Variants in GALNT13 observed in about 807,000 individuals in gnomAD.
GALNT13 encodes the protein polypeptide N-acetylgalactosaminyltransferase 13.
In GALNT13, 28 loss-of-function variants were observed where a neutral mutation model predicts 64.2. That is an observed-to-expected ratio of 0.44 (90% CI 0.32 to 0.60). The LOEUF (loss-of-function observed/expected upper bound fraction) is 0.60, where lower values mean the gene tolerates loss of function less well. GALNT13 is among the 20% of genes least tolerant of loss of function. The pLI is 0.05. For synonymous variants in GALNT13, 214 were observed against 224.6 expected (o/e 0.95, Z 0.42); for missense variants, 577 against 669.8 (o/e 0.86, Z 1.53).
intron 11 of GALNT13, among the ~76,000 whole-genome samples, chr2:154,412,549 TA>T (rs1187071433): frequency 1.3e-5 from 2 of 151,718 alleles, no homozygotes; most frequent in African/African-American, 4.8e-5. Context: ...TAAAAAAAGG[TA>T]TTTTTTTTTT....
At chr2:153,789,622 G>T in the GALNT13 span, among the ~76,000 whole-genome samples, 1 of 151,854 alleles carries the variant, frequency 6.6e-6, no homozygotes, top group Non-Finnish European at 1.5e-5. Context: ...AGGCACAAAA[G>T]TGTATTAAAA....
chr2:153,938,637 T>C (rs559349378), intron 2 of GALNT13, among the ~76,000 whole-genome samples: 1 of 152,248 alleles, frequency 6.6e-6, no homozygotes, highest in African/African-American at 2.4e-5. Flanking sequence ...TCTCTCACAT[T>C]TCTGGAGGCT....
intron 3 of GALNT13, among the ~76,000 whole-genome samples, chr2:154,019,491 G>C (rs1240591446): frequency 6.6e-6 from 1 of 151,538 alleles, no homozygotes; most frequent in South Asian, 2.1e-4. Flanking sequence ...AAAATTAGCT[G>C]GGTGTGGTGA....
chr2:154,003,076 G>A (rs1696021640), intron 3 of GALNT13, among the ~76,000 whole-genome samples: 1 of 152,072 alleles, frequency 6.6e-6, no homozygotes, highest in Admixed American at 6.6e-5. Context: ...ACATATACTA[G>A]GCTCCCTTTA....
At chr2:153,864,938 C>T in the GALNT13 span, among the ~76,000 whole-genome samples, 1 of 146,534 alleles carries the variant, frequency 6.8e-6, no homozygotes, top group African/African-American at 2.5e-5. Context: ...ACCAAAACAG[C>T]ATGGTACTGG....
the GALNT13 span, among the ~76,000 whole-genome samples, chr2:153,664,335 T>C: frequency 6.6e-6 from 1 of 152,188 alleles, no homozygotes; most frequent in South Asian, 2.1e-4. Flanking sequence ...TATTCACTTT[T>C]TGCAAAAAGA....
At chr2:153,255,496 A>T in the GALNT13 span, among the ~76,000 whole-genome samples, 1 of 150,692 alleles carries the variant, frequency 6.6e-6, no homozygotes, top group Non-Finnish European at 1.5e-5. Flanking sequence ...TTATGTGTGA[A>T]TTTGATCCTG....
the GALNT13 span, among the ~76,000 whole-genome samples, chr2:153,656,342 G>GCA: frequency 2.6e-5 from 4 of 151,480 alleles, no homozygotes; most frequent in Admixed American, 1.3e-4. Context: ...GTGTGTGTGC[G>GCA]CGCGCACATA....
At chr2:154,344,559 T>C (rs1695961519) in intron 9 of GALNT13, among the ~76,000 whole-genome samples, 1 of 152,048 alleles carries the variant, frequency 6.6e-6, no homozygotes, top group Admixed American at 6.6e-5. Context: ...AGTGTTGTCT[T>C]CGTTTTTCCT....
intron 11 of GALNT13, among the ~76,000 whole-genome samples, chr2:154,434,013 AT>A: frequency 6.6e-6 from 1 of 152,208 alleles, no homozygotes; most frequent in Non-Finnish European, 1.5e-5. Context: ...ATTAGGACAC[AT>A]GCAAACAGAG....
At chr2:153,524,267 C>A in the GALNT13 span, among the ~76,000 whole-genome samples, 1 of 149,476 alleles carries the variant, frequency 6.7e-6, no homozygotes, top group African/African-American at 2.5e-5. Flanking sequence ...TAATAGTATT[C>A]TTGTAATGTC....
At chr2:153,391,334 G>C in the GALNT13 span, among the ~76,000 whole-genome samples, 1 of 151,980 alleles carries the variant, frequency 6.6e-6, no homozygotes, top group African/African-American at 2.4e-5. Context: ...GCAAGAGGAT[G>C]GTGGCTCATT....
chr2:154,228,619 T>A (rs924009141), intron 4 of GALNT13, among the ~76,000 whole-genome samples: 1 of 152,190 alleles, frequency 6.6e-6, no homozygotes, highest in Non-Finnish European at 1.5e-5. Context: ...AGGCTTTAAT[T>A]GGGTGTTGCC....
intron 9 of GALNT13, among the ~76,000 whole-genome samples, chr2:154,361,391 C>T (rs1303465411): frequency 6.6e-6 from 1 of 152,054 alleles, no homozygotes; most frequent in African/African-American, 2.4e-5. Context: ...TAAAATGTAA[C>T]TAGACGGTCT....
chr2:153,390,786 G>A, the GALNT13 span, among the ~76,000 whole-genome samples: 1 of 152,050 alleles, frequency 6.6e-6, no homozygotes, highest in Admixed American at 6.6e-5. Flanking sequence ...ATTCCCGGCA[G>A]TTGTGATAAC....
At chr2:154,446,640 C>T (rs1393368944) in intron 12 of GALNT13, 39 of 1,548,542 alleles carry the variant, frequency 2.5e-5, no homozygotes, top group Non-Finnish European at 3.4e-5. Context: ...CTCCCAGCAT[C>T]CTACTGTGGA....
At chr2:153,266,665 G>A in the GALNT13 span, among the ~76,000 whole-genome samples, 18 of 152,054 alleles carry the variant, frequency 1.2e-4, no homozygotes, top group Non-Finnish European at 1.9e-4. Context: ...AGAACATCAT[G>A]GGGAAAACTG....
chr2:153,176,770 T>TA, the GALNT13 span, among the ~76,000 whole-genome samples: 1,560 of 139,678 alleles, frequency 0.011, 14 homozygotes, highest in Admixed American at 0.015. Flanking sequence ...TGCCTGAGTT[T>TA]AAAAAAAAAA....
intron 9 of GALNT13, among the ~76,000 whole-genome samples, chr2:154,308,178 T>C (rs949003036): frequency 3.9e-5 from 6 of 152,096 alleles, no homozygotes; most frequent in Admixed American, 3.9e-4. Flanking sequence ...TTATTTTTTC[T>C]TTGGCAATAT....
Sources: allele counts gnomAD v4.1 joint callset (sites outside exome capture counted in the v4.1 genomes callset), GRCh38; gene constraint gnomAD v4.1.1; transcripts MANE v1.5; gene names NCBI Gene and HGNC (gene_info 2026-07-23, HGNC 2026-07-21).